PTPN21: variants seen among roughly 807,000 people sequenced by gnomAD.
PTPN21 encodes protein tyrosine phosphatase non-receptor type 21, also known as tyrosine-protein phosphatase non-receptor type 21.
A neutral mutation model predicts 131.8 loss-of-function variants in PTPN21; 77 were observed. The ratio of observed to expected loss-of-function variants is 0.58; its 90% confidence interval spans 0.49 to 0.71. The LOEUF is 0.71. Ranked by LOEUF, PTPN21 falls within the 30% of genes least tolerant of loss-of-function variation. The pLI is 0.00. For synonymous variants in PTPN21, 715 were observed against 621.3 expected, an observed-to-expected ratio of 1.15 and a Z score of -2.24; for missense variants, 1,552 against 1,527.1, an observed-to-expected ratio of 1.02 and a Z score of -0.27.
chr14:88,504,880 A>G (rs201041965), intron 5 of PTPN21, among the ~76,000 whole-genome samples: 2 of 152,234 alleles, frequency 1.3e-5, no homozygotes, highest in East Asian at 3.8e-4. Flanking sequence ...TGTCCCTTCC[A>G]TCAGTAATGA....
chr14:88,507,340 C>T (rs7160647), intron 4 of PTPN21, among the ~76,000 whole-genome samples: 52,736 of 151,990 alleles, frequency 0.35, 9,731 homozygotes, highest in African/African-American at 0.48. Flanking sequence ...AAGGCATCAT[C>T]AGATTTTGTC....
rs1595390894 is a variant in PTPN21 at position 88,517,172 on chromosome 14, T to C, written c.270A>G (p.Lys90=). ...AATAGACGGTAGGTTCCAATGCATA[T>C]TTATCCAGCTGCTTCTTCAAAGGTT... ...LEKPLKKQLD[K]YALEPTVYFG... The change falls in exon 3 of 19, where the codon AAA becomes AAG. Residue 90 remains lysine (K), a synonymous_variant. Transcript: ENST00000556564. 2 of 1,614,142 alleles carry C rather than the reference T, an allele frequency of 1.2e-6. No homozygotes were observed. The highest frequency in any genetic ancestry group is 1.7e-6 in the Non-Finnish European group (2 of 1,180,002).
Position 88,480,133 on chromosome 14 carries a change from G to C in PTPN21, c.1298C>G (p.Pro433Arg). ...TATCACGGCGCTGTGCCGATGGGAC[G>C]GGAGGTAGTCAGGCCTCATGACGTC... The part of the protein sequence containing the change: ...GSDVMRPDYL[P>R]SHRHSAVIPP... Residue 433 changes from proline to arginine, a missense_variant, in exon 13 of 19, where the codon CCG (proline) becomes CGG (arginine). Coordinates refer to ENST00000556564, the MANE Select transcript of PTPN21 (RefSeq NM_007039.4). 1.2e-6 allele frequency: 2 copies of C among 1,614,152 alleles called. No homozygotes were observed. Among genetic ancestry groups the C allele is most frequent in the Non-Finnish European group, 8.5e-7 (1 of 1,180,008 alleles).
intron 3 of PTPN21, among the ~76,000 whole-genome samples, 174 bp downstream of exon 3, chr14:88,516,918 C>A (rs934619347): frequency 6.6e-6 from 1 of 152,180 alleles, no homozygotes; most frequent in Non-Finnish European, 1.5e-5. Context: ...AGTTACCCAA[C>A]ATGCAGTAAA....
intron 2 of PTPN21, among the ~76,000 whole-genome samples, chr14:88,530,506 A>T (rs1359372034): frequency 6.6e-6 from 1 of 152,160 alleles, no homozygotes; most frequent in Non-Finnish European, 1.5e-5. Flanking sequence ...AATGGATAAA[A>T]ATCCACCAAC....
In PTPN21 at chr14:88,469,420, AT is replaced by A; in HGVS notation, c.3235+78del. On this transcript the variant is annotated intron_variant, in intron 17 of 18. Transcript: ENST00000556564. This position sits in a 1 kb window ranked among gnomAD's most constrained non-coding sequence, Gnocchi z 4.3. ...TTATATGAGATAACATAAAGGAAAT[AT>A]TTCGGAAACATAAATGTTCCTCTCT... 2 of 1,250,460 alleles carry A rather than the reference AT, an allele frequency of 1.6e-6. No homozygotes were observed. The highest frequency in any genetic ancestry group is 2.3e-6 in the Non-Finnish European group (2 of 867,828). 77.5% of individuals were successfully genotyped at this position (1,250,460 alleles called of 1,614,324 possible).
intron 2 of PTPN21, among the ~76,000 whole-genome samples, chr14:88,535,299 C>T (rs1224313352): frequency 1.3e-5 from 2 of 152,172 alleles, no homozygotes; most frequent in Non-Finnish European, 2.9e-5. Context: ...AATTGCCTAA[C>T]GAATTTCTTA....
chr14:88,483,119 G>T (rs2077677034), intron 12 of PTPN21, among the ~76,000 whole-genome samples: 1 of 151,370 alleles, frequency 6.6e-6, no homozygotes, highest in Admixed American at 6.6e-5. Context: ...GGCTGAGGCA[G>T]GAGAATGGCG....
chr14:88,534,189 C>T (rs923894898), intron 2 of PTPN21, among the ~76,000 whole-genome samples: 53 of 148,712 alleles, frequency 3.6e-4, no homozygotes, highest in African/African-American at 1.2e-3. Flanking sequence ...GCCTGGCCAA[C>T]GCGGCAAAAA....
intron 8 of PTPN21, among the ~76,000 whole-genome samples, chr14:88,500,520 C>T (rs1037224972): frequency 1.3e-5 from 2 of 152,010 alleles, no homozygotes. Context: ...CCATATGGCA[C>T]AAAAAGGGTC....
intron 10 of PTPN21, among the ~76,000 whole-genome samples, chr14:88,494,090 AAGTT>A (rs1217247285): frequency 3.9e-5 from 6 of 152,138 alleles, no homozygotes; most frequent in African/African-American, 1.4e-4. Context: ...GAACAAAACA[AAGTT>A]AGAGGGTAAA....
At chr14:88,540,399 C>T (rs1404370245) in intron 2 of PTPN21, among the ~76,000 whole-genome samples, 2 of 152,196 alleles carry the variant, frequency 1.3e-5, no homozygotes, top group South Asian at 2.1e-4. Context: ...CTTACTATTA[C>T]ATGCAGCCAT....
rs2077601074 is a variant in PTPN21, at chr14:88,479,384, G to T, written c.2047C>A (p.Gln683Lys). The T allele has an allele frequency of 1.2e-6, 2 of 1,607,404 alleles. No homozygotes were observed. The highest frequency in any genetic ancestry group is 1.7e-6 in the Non-Finnish European group (2 of 1,179,498). Residue 683 changes from glutamine to lysine, a missense_variant, in exon 13 of 19, where the codon CAG becomes AAG. Transcript: ENST00000556564. ...SQPSVFTERT[Q>K]REGPEEAEGL... ...TCCGCCTCCTCCGGCCCTTCTCGCT[G>T]TGTCCTCTCGGTGAAAACGCTGGGC...
At chr14:88,502,513 C>T (rs145312051) in intron 6 of PTPN21, among the ~76,000 whole-genome samples, 123 of 152,198 alleles carry the variant, frequency 8.1e-4, no homozygotes, top group African/African-American at 2.7e-3. Context: ...TCCTGCCAGC[C>T]CTCATATTGC....
intron 2 of PTPN21, among the ~76,000 whole-genome samples, chr14:88,547,977 A>G (rs1268161970): frequency 1.3e-5 from 2 of 152,090 alleles, no homozygotes; most frequent in Non-Finnish European, 2.9e-5. Context: ...CTAAAACTGA[A>G]CTCACCACAC....
intron 2 of PTPN21, among the ~76,000 whole-genome samples, chr14:88,518,815 A>G (rs1457128612): frequency 6.6e-6 from 1 of 151,672 alleles, no homozygotes; most frequent in East Asian, 1.9e-4. Context: ...ACTTTTCACT[A>G]CTCTTAGTTT....
intron 2 of PTPN21, among the ~76,000 whole-genome samples, chr14:88,520,932 C>T (rs2078380233): frequency 6.6e-6 from 1 of 152,178 alleles, no homozygotes; most frequent in Admixed American, 6.5e-5. Flanking sequence ...CAACTTCAAA[C>T]TCCCAGGCTC....
rs754570259 is a variant in PTPN21, at chr14:88,479,479, C to A, written c.1952G>T (p.Arg651Leu). 4.4e-6 allele frequency: 7 copies of A among 1,602,076 alleles called. No homozygotes were observed. The highest frequency in any genetic ancestry group is 5.9e-6 in the Non-Finnish European group (7 of 1,179,104). ...AGLSHGLEGLRLKERTLSASA... is the reference protein window; with the variant it reads ...AGLSHGLEGLLLKERTLSASA... Reference sequence around the variant, plus strand: ...CGCGGATAGGGTGCGCTCCTTGAGCCGCAGGCCCTCCAGGCCGTGGCTGAG... The same window carrying A: ...CGCGGATAGGGTGCGCTCCTTGAGCAGCAGGCCCTCCAGGCCGTGGCTGAG... Residue 651 changes from arginine (R) to leucine (L), a missense_variant, in exon 13 of 19, where the codon CGG (arginine) becomes CTG (leucine). Arg to Leu is a moderately radical substitution (Grantham distance 102, BLOSUM62 -2). Coordinates refer to ENST00000556564, the MANE Select transcript of PTPN21 (RefSeq NM_007039.4).
At chr14:88,515,173 T>A (rs1248266827) in intron 3 of PTPN21, 1 of 152,186 alleles carries the variant, frequency 6.6e-6, no homozygotes, top group East Asian at 1.9e-4. Flanking sequence ...ACTTCTGAAC[T>A]CTCACAGAAG....
Sources: allele counts gnomAD v4.1 joint callset (sites outside exome capture counted in the v4.1 genomes callset), GRCh38; gene constraint gnomAD v4.1.1; non-coding constraint Gnocchi (gnomAD v3.1); transcripts MANE v1.5; gene names NCBI Gene and HGNC (gene_info 2026-07-23, HGNC 2026-07-21).